The following ZNF83 variants were observed in gnomAD, a reference collection of about 807,000 sequenced individuals.
ZNF83 encodes the protein zinc finger protein 816B.
For missense variants in ZNF83, 552 were observed against 629.9 expected (o/e 0.88, Z 1.32); for synonymous variants, 209 against 213.0 (o/e 0.98, Z 0.17).
At chr19:52,619,909 G>A (rs1182219327) in intron 2 of ZNF83, among the ~76,000 whole-genome samples, 1 of 152,064 alleles carries the variant, frequency 6.6e-6, no homozygotes, top group Non-Finnish European at 1.5e-5. Context: ...ATTTAGCTGG[G>A]CATGGTGGCA....
At chr19:52,655,467 G>A in intron 3 of ZNF83, 1 of 1,172,310 alleles carries the variant, frequency 8.5e-7, no homozygotes, top group Non-Finnish European at 1.2e-6. Context: ...TCAAAAGCAT[G>A]TATGCGGCAA....
At chr19:52,685,544 GA>G (rs1568586575) in intron 1 of ZNF83, among the ~76,000 whole-genome samples, 1 of 152,084 alleles carries the variant, frequency 6.6e-6, no homozygotes, top group Non-Finnish European at 1.5e-5. Context: ...AATTGACCTT[GA>G]AAACAGGGAA....
chr19:52,632,585 G>T (rs751131681), intron 2 of ZNF83, among the ~76,000 whole-genome samples: 40 of 152,086 alleles, frequency 2.6e-4, no homozygotes, highest in Non-Finnish European at 3.5e-4. Flanking sequence ...CTCCAAGCCA[G>T]CACAGCTGAT....
intron 2 of ZNF83, among the ~76,000 whole-genome samples, chr19:52,628,007 C>A (rs941238015): frequency 1.1e-4 from 17 of 152,094 alleles, no homozygotes; most frequent in African/African-American, 4.1e-4. Flanking sequence ...TTGTGACACC[C>A]ACTCCTGCCC....
intron 2 of ZNF83, among the ~76,000 whole-genome samples, chr19:52,631,915 A>C: frequency 7.1e-6 from 1 of 140,360 alleles, no homozygotes; most frequent in Admixed American, 7.5e-5. Flanking sequence ...CTATTCTACT[A>C]CTCCTCAGGG....
intron 1 of ZNF83, chr19:52,637,038 T>A (rs540947034): frequency 6.6e-6 from 1 of 152,444 alleles, no homozygotes; most frequent in East Asian, 1.9e-4. Flanking sequence ...GCTCTTGTTT[T>A]CTTTTCTTTT....
At chr19:52,617,021 C>T (rs1468104131) in intron 2 of ZNF83, 2 of 151,968 alleles carry the variant, frequency 1.3e-5, no homozygotes, top group East Asian at 3.9e-4. Flanking sequence ...CAACATAGAG[C>T]AGGGCCTATC....
exon 3 of ZNF83, chr19:52,614,252 C>G: frequency 6.2e-7 from 1 of 1,614,034 alleles, no homozygotes; most frequent in South Asian, 1.1e-5. Flanking sequence ...AAATGTAAGC[C>G]TTGATGAAAG....
At chr19:52,660,665 TGACGCAG>T (rs2061567789) in intron 2 of ZNF83, 2 of 158,120 alleles carry the variant, frequency 1.3e-5, no homozygotes, top group South Asian at 3.8e-4. Context: ...AGCAAACTTG[TGACGCAG>T]GACGCTTCAG....
chr19:52,621,574 G>GC (rs1357608160), intron 2 of ZNF83, among the ~76,000 whole-genome samples: 1 of 152,008 alleles, frequency 6.6e-6, no homozygotes, highest in African/African-American at 2.4e-5. Context: ...CCTCTTTGTG[G>GC]CAAGTACCAC....
chr19:52,638,319 G>C lies in ZNF83; in HGVS notation c.-329C>G, dbSNP rs1003870286. 4 of 140,024 alleles carry C rather than the reference G, an allele frequency of 2.9e-5. No individual in the cohort carries two copies. The Admixed American group carries it at 2.9e-4, about 10-fold the overall frequency. The allele number at this position is 140,024 out of a possible 1,614,324, so 8.7% of individuals were successfully genotyped here. A position where few individuals can be genotyped will look rare whatever the true frequency, so the allele number is the denominator to read the frequency against. On this transcript the variant is annotated 5_prime_UTR_variant, in exon 1 of 3. Coordinates refer to ENST00000301096, the Ensembl canonical transcript of ZNF83. ...TAGAAGAGCGAAACTCACCGCCACG[G>C]TGTAACTTTCACTCCACATAATCCG...
intron 1 of ZNF83, among the ~76,000 whole-genome samples, chr19:52,661,885 C>A (rs1477771910): frequency 4.0e-5 from 6 of 150,548 alleles, no homozygotes; most frequent in Non-Finnish European, 1.5e-5. Flanking sequence ...GGAAGAAAGG[C>A]TGCTTGTCAC....
At position 52,680,540 on chromosome 19, in the gene ZNF83, C is replaced by A. The variant is rs368982713; in HGVS notation, c.-283+9903G>T. On this transcript the variant is annotated intron_variant, in intron 1 of 5. Transcript: ENST00000594682. ...GATCAAAGACTGTGTTCTGACAAAC[C>A]CACGTTAAGGTATTTTGGCACATTT... Among the ~76,000 whole-genome samples, 132 of 151,848 alleles carry A rather than the reference C, an allele frequency of 8.7e-4. No individual in the cohort carries two copies. In the South Asian group the frequency reaches 0.017, roughly 20 times the overall value.
exon 3 of ZNF83, chr19:52,612,691 TTTTG>T (rs1054252742): frequency 2.7e-5 from 8 of 294,794 alleles, no homozygotes; most frequent in African/African-American, 1.1e-4. Flanking sequence ...CTCTCAGTGT[TTTTG>T]TTTCTCTCAA....
intron 2 of ZNF83, chr19:52,655,766 G>T: frequency 3.0e-6 from 2 of 671,076 alleles, no homozygotes; most frequent in South Asian, 1.9e-5. Context: ...GAGAAAATAA[G>T]TATTGATTTG....
chr19:52,686,352 G>A (rs1246063195), intron 1 of ZNF83, among the ~76,000 whole-genome samples: 1 of 151,860 alleles, frequency 6.6e-6, no homozygotes, highest in Admixed American at 6.6e-5. Flanking sequence ...GGAATGATGT[G>A]AGCTGGTTAT....
rs11407801 is a variant in ZNF83 at position 52,682,215 on chromosome 19, TA to T, written c.-283+8227del. ...AAAATACTTAAAATTATTAAAATTA[TA>T]AAAAAAAAACTTATTGCAAATGATG... On this transcript the variant is annotated intron_variant, in intron 1 of 5. Coordinates refer to the ZNF83 transcript ENST00000594682. Among the ~76,000 whole-genome samples the T allele has an allele frequency of 7.1e-3, 1,056 of 149,000 alleles. 30 individuals are homozygous for T. The highest frequency in any genetic ancestry group is 0.049 in the East Asian group (251 of 5,090).
chr19:52,679,470 G>C (rs987651228), intron 1 of ZNF83, among the ~76,000 whole-genome samples: 8 of 152,164 alleles, frequency 5.3e-5, no homozygotes, highest in African/African-American at 1.7e-4. Context: ...AACTGGCCAG[G>C]TATGGTGGAG....
chr19:52,628,345 T>C (rs1184145532), intron 2 of ZNF83, among the ~76,000 whole-genome samples: 1 of 152,108 alleles, frequency 6.6e-6, no homozygotes, highest in Non-Finnish European at 1.5e-5. Flanking sequence ...ATCCGGTAAG[T>C]GGCCTCTTTT....
Sources: allele counts gnomAD v4.1 joint callset (sites outside exome capture counted in the v4.1 genomes callset), GRCh38; gene constraint gnomAD v4.1.1; transcripts MANE v1.5; gene names NCBI Gene and HGNC (gene_info 2026-07-23, HGNC 2026-07-21).